The following TAF1 variants were observed in gnomAD, a reference collection of about 807,000 sequenced individuals.
The protein encoded by TAF1 is transcription initiation factor TFIID subunit 1.
In TAF1, 2 loss-of-function variants were observed where a neutral mutation model predicts 138.5. The ratio of observed to expected loss-of-function variants is 0.01; its 90% confidence interval spans 0.01 to 0.05. TAF1 has a LOEUF of 0.05. TAF1 is among the 10% of genes least tolerant of loss of function. The probability of loss-of-function intolerance (pLI) is 1.00; values close to 1 mark genes in which losing one functional copy is unlikely to be tolerated. For missense variants in TAF1, 709 were observed against 1,478.0 expected (o/e 0.48, Z 8.53); for synonymous variants, 437 against 503.2 (o/e 0.87, Z 1.76).
chrX:71,399,466 C>T (rs1052808186), intron 24 of TAF1, among the ~76,000 whole-genome samples: 1 of 106,364 alleles, frequency 9.4e-6, no homozygotes, highest in African/African-American at 3.4e-5. Flanking sequence ...CCATTTTGGC[C>T]AGGCTGGTCT....
chrX:71,489,867 C>T lies in TAF1; in HGVS notation c.1366+29064C>T, dbSNP rs778794062. 3.6e-5 allele frequency among the ~76,000 whole-genome samples: 4 copies of T among 111,300 alleles called. No individual in the cohort carries two copies. In the East Asian group the frequency reaches 1.1e-3, roughly 31 times the overall value. ...TTTCTTATAGCTGGAATATAAAGTA[C>T]GTAAGAAGCTGCTATGGTTTGAATG... On this transcript the variant is annotated intron_variant and NMD_transcript_variant, in intron 13 of 14. Coordinates refer to the TAF1 transcript ENST00000373775.
In TAF1 at chrX:71,471,099, C is replaced by T. The variant is rs146520376; in HGVS notation, c.1366+10296C>T. ...TTGGGAGGCCGAGGCGGGAGAATCA[C>T]GATGTCAAGAGATTGAGAGCATCCT... On this transcript the variant is annotated intron_variant and NMD_transcript_variant, in intron 13 of 14. Transcript: ENST00000373775. Among the ~76,000 whole-genome samples, 689 of 108,262 alleles carry T rather than the reference C, an allele frequency of 6.4e-3. 2 individuals are homozygous for T. The highest frequency in any genetic ancestry group is 9.4e-3 in the Non-Finnish European group (491 of 52,275). The allele number at this position is 108,262 out of a possible 115,157, so 94.0% of individuals were successfully genotyped here.
intron 32 of TAF1, among the ~76,000 whole-genome samples, chrX:71,442,737 A>G (rs983113141): frequency 4.5e-5 from 5 of 111,808 alleles, no homozygotes; most frequent in African/African-American, 6.5e-5. Flanking sequence ...GTCCTTGCCC[A>G]TGCCTATGTC....
intron 32 of TAF1, among the ~76,000 whole-genome samples, chrX:71,439,730 A>T (rs750603464): frequency 8.9e-6 from 1 of 112,021 alleles, no homozygotes; most frequent in East Asian, 2.8e-4. Flanking sequence ...TTTTTGTTTT[A>T]TTCTGTAATT....
intron 13 of TAF1, among the ~76,000 whole-genome samples, chrX:71,527,400 A>AAAAAG (rs1569419407): frequency 9.1e-6 from 1 of 109,883 alleles, no homozygotes. Flanking sequence ...AAAAAAAAAA[A>AAAAAG]AAAAGAAAAG....
intron 37 of TAF1, 90 bp from the exon 38 acceptor site, chrX:71,463,734 A>T: frequency 1.1e-6 from 1 of 890,308 alleles, no homozygotes; most frequent in South Asian, 2.2e-5. Flanking sequence ...GGGAGGTGAG[A>T]TGGGCTGATC....
At chrX:71,369,012 G>T (rs961210631) in intron 3 of TAF1, 1 of 106,274 alleles carries the variant, frequency 9.4e-6, no homozygotes, top group African/African-American at 3.4e-5. Context: ...CACCAAGCCC[G>T]GCTATTTTTT....
At chrX:71,456,501 C>T (rs1297316550) in intron 34 of TAF1, among the ~76,000 whole-genome samples, 1 of 110,788 alleles carries the variant, frequency 9.0e-6, no homozygotes, top group Non-Finnish European at 1.9e-5. Context: ...ACTGTCCTTA[C>T]TTTACTTACA....
At chrX:71,394,289 A>G (rs1006163056) in intron 22 of TAF1, 44 bp downstream of exon 22, 1 of 1,148,828 alleles carries the variant, frequency 8.7e-7, no homozygotes, top group Non-Finnish European at 1.2e-6. Context: ...GAGAAGGGTT[A>G]AAAAAGGAGC....
At chrX:71,508,058 T>C (rs1399053138) in intron 13 of TAF1, among the ~76,000 whole-genome samples, 1 of 95,855 alleles carries the variant, frequency 1.0e-5, no homozygotes, top group African/African-American at 4.0e-5. Flanking sequence ...TCTATACATA[T>C]ATGAATATTC....
chrX:71,368,012 G>T, intron 2 of TAF1, 42 bp from the exon 3 acceptor site: 1 of 1,147,038 alleles, frequency 8.7e-7, no homozygotes, highest in South Asian at 1.8e-5. Flanking sequence ...AGGGAGTGAG[G>T]GTCGCTTACT....
chrX:71,450,780 C>T (rs1329763995), intron 32 of TAF1, among the ~76,000 whole-genome samples: 2 of 112,377 alleles, frequency 1.8e-5, no homozygotes, highest in Non-Finnish European at 1.9e-5. Context: ...AAGAAAATGT[C>T]TTATGAATAA....
rs1198926625 is a variant in TAF1, at chrX:71,498,952, G to A, written c.1367-29590G>A. The stretch of plus-strand genomic sequence containing the variant: ...GAGAAAGCCACGCCAGTGTCCAGGA[G>A]GAAGTCAATTTCCTGGCCCTCAATA... On this transcript the variant is annotated intron_variant and NMD_transcript_variant, in intron 13 of 14. Coordinates refer to the TAF1 transcript ENST00000373775. 5.4e-5 allele frequency among the ~76,000 whole-genome samples: 6 copies of A among 111,497 alleles called. No homozygotes were observed. The East Asian group carries it at 1.4e-3, about 26-fold the overall frequency.
chrX:71,500,728 C>T (rs1259614448), intron 13 of TAF1, among the ~76,000 whole-genome samples: 1 of 110,786 alleles, frequency 9.0e-6, no homozygotes, highest in Non-Finnish European at 1.9e-5. Context: ...TAAGCATCCT[C>T]CTGTTAGTAT....
chrX:71,384,268 A>G lies in TAF1; in HGVS notation c.2121+133A>G, dbSNP rs28382167. ...CTGCAAACTTACATACAAATTTTTT[A>G]TTATTAACGTAGCTGTAGTTAGAGA... is the stretch of plus-strand genomic sequence containing the variant. On this transcript the variant is annotated intron_variant, in intron 13 of 37. Coordinates refer to ENST00000423759, the MANE Select transcript of TAF1 (RefSeq NM_004606.5). 9.1e-3 allele frequency: 6,467 copies of G among 712,748 alleles called. 277 individuals carry two copies. In the African/African-American group the frequency reaches 0.13, roughly 14 times the overall value. 58.7% of individuals were successfully genotyped at this position (712,748 alleles called of 1,213,427 possible).
At chrX:71,386,389 T>C (rs2034229470) in intron 14 of TAF1, among the ~76,000 whole-genome samples, 1 of 111,759 alleles carries the variant, frequency 8.9e-6, no homozygotes, top group Non-Finnish European at 1.9e-5. Context: ...CTGTCCTCTG[T>C]CCTACTGTCT....
intron 3 of TAF1, among the ~76,000 whole-genome samples, chrX:71,370,859 AT>A (rs2033007508): frequency 8.9e-6 from 1 of 112,311 alleles, no homozygotes; most frequent in African/African-American, 3.2e-5. Flanking sequence ...AATAGAAGAT[AT>A]AAGCCCTGCC....
downstream of TAF1, chrX:71,466,393 C>G (rs1168152840): frequency 9.1e-6 from 1 of 110,031 alleles, no homozygotes; most frequent in Non-Finnish European, 1.9e-5. Context: ...ATTACAGGCA[C>G]GCATCACCAC....
In TAF1 at chrX:71,484,552, G is replaced by A. The variant is rs768150411; in HGVS notation, c.1366+23749G>A. Among the ~76,000 whole-genome samples, 567 of 110,811 alleles carry A rather than the reference G, an allele frequency of 5.1e-3. 1 individual carries two copies. The highest frequency in any genetic ancestry group is 7.4e-3 in the Non-Finnish European group (393 of 52,894). On this transcript the variant is annotated intron_variant and NMD_transcript_variant, in intron 13 of 14. Coordinates refer to the TAF1 transcript ENST00000373775. ...TCACCATATTGGCCAGGCTGGTCTC[G>A]AACTCCTGACCTCAGGTGATCCGCC...
Sources: gnomAD v4.1 joint callset for allele counts (sites outside exome capture counted in the v4.1 genomes callset) on GRCh38, gnomAD v4.1.1 for gene constraint, MANE v1.5 for transcripts, NCBI Gene and HGNC (gene_info 2026-07-23, HGNC 2026-07-21) for gene names.